Variants in EXOC4 observed in about 807,000 individuals in gnomAD.
The protein encoded by EXOC4 is exocyst complex component 4.
In EXOC4, 71 loss-of-function variants were observed where a neutral mutation model predicts 107.2. The ratio of observed to expected loss-of-function variants is 0.66; its 90% CI spans 0.55 to 0.81. The LOEUF (loss-of-function observed/expected upper bound fraction) is 0.81. Among genes scored for constraint, EXOC4 ranks in the 30% least tolerant of loss-of-function variants. The pLI, the probability that EXOC4 is intolerant of heterozygous loss-of-function variation, is 0.00. For synonymous variants in EXOC4, 456 were observed against 441.2 expected (o/e 1.03, Z -0.42); for missense variants, 1,108 against 1,189.6 (o/e 0.93, Z 1.01).
intron 9 of EXOC4, among the ~76,000 whole-genome samples, chr7:133,509,494 G>T (rs1799727355): frequency 2.6e-5 from 4 of 151,850 alleles, no homozygotes; most frequent in Admixed American, 2.6e-4. Context: ...CTTAAAGAAG[G>T]CTCAGCTGGA....
intron 9 of EXOC4, among the ~76,000 whole-genome samples, chr7:133,531,661 A>T (rs1800183782): frequency 6.6e-6 from 1 of 152,190 alleles, no homozygotes; most frequent in Non-Finnish European, 1.5e-5. Context: ...TTCTTATGTG[A>T]AAAGTATAGT....
Position 133,709,681 on chromosome 7 carries a change from G to A in EXOC4, c.1514+79540G>A, listed in dbSNP as rs562720713. Among the ~76,000 whole-genome samples, 3 of 133,142 alleles carry A rather than the reference G, an allele frequency of 2.3e-5. No individual in the cohort carries two copies. In the South Asian group the frequency reaches 7.3e-4, roughly 33 times the overall value. 87.3% of individuals were successfully genotyped at this position (133,142 alleles called of 152,430 possible). A position where few individuals can be genotyped will look rare whatever the true frequency, so the allele number is the denominator to read the frequency against. ...TTTTTTTTTTTCAAAGTGGTATGTG[G>A]TTTCAGTGTCGTCGTGAAGACTCTG... On this transcript the variant is annotated intron_variant, in intron 10 of 17. Coordinates refer to ENST00000253861, the MANE Select transcript of EXOC4 (RefSeq NM_021807.4).
chr7:133,819,677 A>G (rs1029194679), intron 11 of EXOC4, among the ~76,000 whole-genome samples: 4 of 152,162 alleles, frequency 2.6e-5, no homozygotes, highest in African/African-American at 9.7e-5. Flanking sequence ...GCCTTTCAGT[A>G]TTTATTTCTC....
chr7:133,820,288 A>G (rs113140774), intron 11 of EXOC4, among the ~76,000 whole-genome samples: 1 of 151,432 alleles, frequency 6.6e-6, no homozygotes, highest in African/African-American at 2.4e-5. Flanking sequence ...AGAGTTATGC[A>G]GTTTAAAAAG....
At chr7:133,335,430 A>C (rs1028719435) in intron 5 of EXOC4, among the ~76,000 whole-genome samples, 5 of 152,114 alleles carry the variant, frequency 3.3e-5, no homozygotes, top group African/African-American at 1.2e-4. Context: ...TACTGTGGAT[A>C]CCTCATATAA....
At chr7:133,591,144 G>A (rs1019833111) in intron 9 of EXOC4, among the ~76,000 whole-genome samples, 3 of 152,208 alleles carry the variant, frequency 2.0e-5, no homozygotes, top group African/African-American at 7.2e-5. Flanking sequence ...TATTTCAATT[G>A]CAGCATCTCC....
chr7:133,971,416 T>C (rs985877297), intron 14 of EXOC4, among the ~76,000 whole-genome samples: 1 of 136,150 alleles, frequency 7.3e-6, no homozygotes, highest in Admixed American at 7.4e-5. Context: ...AGAGAGAGAA[T>C]ATGTATTCTA....
intron 5 of EXOC4, among the ~76,000 whole-genome samples, chr7:133,337,999 T>C (rs1177968577): frequency 8.0e-6 from 1 of 125,078 alleles, no homozygotes; most frequent in African/African-American, 2.6e-5. Context: ...TCTATTTTGT[T>C]AGGTTTTCTT....
chr7:133,638,911 T>A (rs971676900), intron 10 of EXOC4, among the ~76,000 whole-genome samples: 2 of 152,164 alleles, frequency 1.3e-5, no homozygotes, highest in Non-Finnish European at 2.9e-5. Flanking sequence ...ATTAGCAGCT[T>A]ATATATAAAA....
At chr7:133,960,046 CAG>C (rs1486533311) in intron 14 of EXOC4, among the ~76,000 whole-genome samples, 2 of 152,058 alleles carry the variant, frequency 1.3e-5, no homozygotes, top group Admixed American at 1.3e-4. Flanking sequence ...GAAAGATCTC[CAG>C]AGTGATCATG....
chr7:133,929,634 G>A (rs1182297981), intron 13 of EXOC4, among the ~76,000 whole-genome samples: 2 of 152,078 alleles, frequency 1.3e-5, no homozygotes, highest in Non-Finnish European at 2.9e-5. Context: ...TAAATTGCAT[G>A]TCATGGGGAT....
At chr7:133,849,839 TAAAAC>T (rs776821763) in intron 11 of EXOC4, among the ~76,000 whole-genome samples, 15 of 152,220 alleles carry the variant, frequency 9.9e-5, no homozygotes, top group Admixed American at 4.6e-4. Flanking sequence ...TAATACAACT[TAAAAC>T]AAAGGAAAAA....
chr7:133,709,003 T>C (rs1259980166), intron 10 of EXOC4, among the ~76,000 whole-genome samples: 1 of 152,170 alleles, frequency 6.6e-6, no homozygotes, highest in Non-Finnish European at 1.5e-5. Flanking sequence ...TTCAGAGCAG[T>C]TATTTTGGAG....
intron 10 of EXOC4, among the ~76,000 whole-genome samples, chr7:133,690,493 A>G (rs1396213278): frequency 6.6e-6 from 1 of 152,114 alleles, no homozygotes; most frequent in Non-Finnish European, 1.5e-5. Context: ...CTCCTTGGAT[A>G]CAGGATCATT....
chr7:133,255,437 A>G (rs1794994598), intron 1 of EXOC4, among the ~76,000 whole-genome samples: 1 of 152,080 alleles, frequency 6.6e-6, no homozygotes, highest in African/African-American at 2.4e-5. Flanking sequence ...GGCCTCCCAA[A>G]ATGCTGGGAT....
chr7:133,984,077 A>G (rs1794058319), intron 14 of EXOC4, among the ~76,000 whole-genome samples: 1 of 152,224 alleles, frequency 6.6e-6, no homozygotes. Context: ...AGGTATAAAA[A>G]ACATGTGTCT....
At chr7:133,419,983 ATTATAC>A (rs1029948299) in intron 7 of EXOC4, among the ~76,000 whole-genome samples, 1 of 88,566 alleles carries the variant, frequency 1.1e-5, no homozygotes, top group Non-Finnish European at 2.4e-5. Flanking sequence ...TTTTTTTTTT[ATTATAC>A]TTTAAGTTTT....
intron 13 of EXOC4, among the ~76,000 whole-genome samples, chr7:133,933,570 G>A (rs1319280300): frequency 1.3e-5 from 2 of 152,184 alleles, no homozygotes; most frequent in Non-Finnish European, 1.5e-5. Flanking sequence ...ATTAAATAAT[G>A]TGTTATCATA....
intron 1 of EXOC4, among the ~76,000 whole-genome samples, chr7:133,263,390 T>G (rs927687801): frequency 2.8e-5 from 4 of 144,744 alleles, no homozygotes; most frequent in African/African-American, 1.0e-4. Flanking sequence ...TTTTTTTTTT[T>G]TTTTTTTTTG....
Sources: gnomAD v4.1 joint callset for allele counts (sites outside exome capture counted in the v4.1 genomes callset) on GRCh38, gnomAD v4.1.1 for gene constraint, MANE v1.5 for transcripts, NCBI Gene and HGNC (gene_info 2026-07-23, HGNC 2026-07-21) for gene names.